The following NCKAP5 variants were observed in gnomAD, a reference collection of about 807,000 sequenced individuals.
NCKAP5 encodes NCK associated protein 5, also known as nck-associated protein 5.
NCKAP5 carries 92 observed loss-of-function variants against 167.0 expected under a neutral mutation model. The observed-to-expected ratio is 0.55, with a 90% CI of 0.47 to 0.66. The LOEUF is 0.66. Among genes scored for constraint, NCKAP5 ranks in the 30% least tolerant of loss-of-function variants. NCKAP5 has a pLI of 0.00. For missense variants in NCKAP5, 2,378 were observed against 2,315.0 expected (o/e 1.03, Z -0.56); for synonymous variants, 891 against 877.4 (o/e 1.02, Z -0.27).
chr2:133,033,238 TG>T lies in NCKAP5; in HGVS notation c.342-39000del, dbSNP rs371110948. ...TGCCTGGTAATACAGAGAATTTTCC[TG>T]GGTCTTAATTAAGACCATCAAGGTG... On this transcript the variant is annotated intron_variant, in intron 6 of 19. Transcript: ENST00000409261. Among the ~76,000 whole-genome samples, 81 of 152,342 alleles carry T rather than the reference TG, an allele frequency of 5.3e-4. 2 individuals carry two copies. In the South Asian group the frequency reaches 0.016, roughly 29 times the overall value.
intron 7 of NCKAP5, among the ~76,000 whole-genome samples, chr2:132,974,240 T>A (rs1247606147): frequency 6.6e-6 from 1 of 152,214 alleles, no homozygotes; most frequent in Non-Finnish European, 1.5e-5. Flanking sequence ...ACAGAACTTG[T>A]TCATTTTGAA....
At chr2:133,102,412 G>C (rs1399529941) in intron 6 of NCKAP5, among the ~76,000 whole-genome samples, 1 of 152,142 alleles carries the variant, frequency 6.6e-6, no homozygotes, top group Non-Finnish European at 1.5e-5. Context: ...CTCCCCAAGT[G>C]CTGGGATTAC....
intron 6 of NCKAP5, among the ~76,000 whole-genome samples, chr2:133,074,896 A>G (rs112831373): frequency 0.015 from 2,256 of 152,272 alleles, 65 homozygotes; most frequent in African/African-American, 0.05. Flanking sequence ...AGAAAATGAA[A>G]AGAAAGAGAT....
At chr2:132,980,677 A>C (rs536986377) in intron 7 of NCKAP5, among the ~76,000 whole-genome samples, 45 of 152,292 alleles carry the variant, frequency 3.0e-4, no homozygotes, top group African/African-American at 1.0e-3. Flanking sequence ...AAATGAGATG[A>C]TGCTGCAAGA....
At position 133,368,268 on chromosome 2, in the gene NCKAP5, T is replaced by C. The variant is rs139856642; in HGVS notation, c.70-65158A>G. On this transcript the variant is annotated intron_variant, in intron 3 of 19. Coordinates refer to ENST00000409261, the MANE Select transcript of NCKAP5 (RefSeq NM_207363.3). ...AAGTGGGAAATGTTGCCAAAAACTA[T>C]TTTTTTCTATTAGATAGATCCCTTA... 4.6e-5 allele frequency among the ~76,000 whole-genome samples: 7 copies of C among 152,288 alleles called. No individual in the cohort carries two copies. In the East Asian group the frequency reaches 1.3e-3, roughly 29 times the overall value.
At chr2:133,611,700 CT>C in the NCKAP5 span, among the ~76,000 whole-genome samples, 12 of 152,142 alleles carry the variant, frequency 7.9e-5, no homozygotes, top group Non-Finnish European at 1.5e-4. Context: ...TAGCCTCTCC[CT>C]GCAGGCTCCC....
Position 133,221,043 on chromosome 2 carries a change from G to A in NCKAP5, c.144-7264C>T, listed in dbSNP as rs368748087. Among the ~76,000 whole-genome samples, 111 of 150,240 alleles carry A rather than the reference G, an allele frequency of 7.4e-4. 1 individual carries two copies. Among genetic ancestry groups the A allele is most frequent in the African/African-American group, 2.5e-3 (100 of 39,616 alleles). On this transcript the variant is annotated intron_variant, in intron 4 of 19. Coordinates refer to ENST00000409261, the MANE Select transcript of NCKAP5 (RefSeq NM_207363.3). Reference sequence around the variant, plus strand: ...GTCACAAATACCCTATATATGCAACGCACTTAAAAGGTATGAATCCAGCTC... The same window carrying A: ...GTCACAAATACCCTATATATGCAACACACTTAAAAGGTATGAATCCAGCTC...
chr2:133,608,712 G>A, the NCKAP5 span, among the ~76,000 whole-genome samples: 3 of 152,232 alleles, frequency 2.0e-5, no homozygotes, highest in East Asian at 5.8e-4. Flanking sequence ...CACAGTTGAC[G>A]ATGGCCACCC....
At chr2:132,910,223 T>C (rs556793492) in intron 8 of NCKAP5, among the ~76,000 whole-genome samples, 1 of 152,318 alleles carries the variant, frequency 6.6e-6, no homozygotes, top group African/African-American at 2.4e-5. Context: ...GGGGTACCCA[T>C]ACCCTCAAGC....
chr2:133,028,265 T>G (rs375767784), intron 6 of NCKAP5, among the ~76,000 whole-genome samples: 105 of 152,330 alleles, frequency 6.9e-4, no homozygotes, highest in Non-Finnish European at 1.2e-3. Flanking sequence ...AGCTGCCCAT[T>G]CAATCAAGCA....
At chr2:132,817,743 T>C (rs1166374691) in intron 11 of NCKAP5, among the ~76,000 whole-genome samples, 2 of 151,682 alleles carry the variant, frequency 1.3e-5, no homozygotes, top group Non-Finnish European at 2.9e-5. Flanking sequence ...AAAGGAGGAG[T>C]AACAAAGCCT....
intron 8 of NCKAP5, among the ~76,000 whole-genome samples, chr2:132,929,695 T>C (rs898850969): frequency 2.0e-5 from 3 of 152,176 alleles, no homozygotes; most frequent in Admixed American, 2.0e-4. Context: ...AGATGTGCTC[T>C]CTATAATACA....
the NCKAP5 span, among the ~76,000 whole-genome samples, chr2:133,619,446 A>G: frequency 6.6e-6 from 1 of 152,034 alleles, no homozygotes; most frequent in Non-Finnish European, 1.5e-5. Context: ...TGCAAAATGC[A>G]CTGGAAAGTC....
At chr2:133,239,537 C>T (rs796471867) in intron 4 of NCKAP5, among the ~76,000 whole-genome samples, 3 of 152,250 alleles carry the variant, frequency 2.0e-5, no homozygotes, top group African/African-American at 7.2e-5. Flanking sequence ...TAGAACTAGA[C>T]TATAGGAAAA....
intron 5 of NCKAP5, among the ~76,000 whole-genome samples, chr2:133,213,492 G>C (rs1025732826): frequency 6.6e-6 from 1 of 152,018 alleles, no homozygotes; most frequent in African/African-American, 2.4e-5. Context: ...TTGGACATGT[G>C]AACATCTTAT....
chr2:133,245,113 C>T (rs746516774), intron 4 of NCKAP5, among the ~76,000 whole-genome samples: 21 of 152,204 alleles, frequency 1.4e-4, no homozygotes, highest in Non-Finnish European at 2.5e-4. Context: ...CTTTGGGGAA[C>T]TGATAGAACA....
intron 11 of NCKAP5, among the ~76,000 whole-genome samples, chr2:132,832,138 G>A (rs1422802172): frequency 1.3e-5 from 2 of 151,942 alleles, no homozygotes; most frequent in Non-Finnish European, 2.9e-5. Context: ...TCCAGTTCTT[G>A]TCAAAATCTG....
chr2:133,251,720 A>C (rs1355395626), intron 4 of NCKAP5, among the ~76,000 whole-genome samples: 2 of 152,226 alleles, frequency 1.3e-5, no homozygotes, highest in Non-Finnish European at 2.9e-5. Flanking sequence ...ACAAAATTAC[A>C]CTTGCATCCC....
intron 2 of NCKAP5, among the ~76,000 whole-genome samples, chr2:133,519,426 T>A (rs1684293189): frequency 6.6e-6 from 1 of 152,194 alleles, no homozygotes; most frequent in Admixed American, 6.5e-5. Context: ...CTGAAATTTG[T>A]TTGGGAGGCT....
Sources: allele counts gnomAD v4.1 joint callset (sites outside exome capture counted in the v4.1 genomes callset), GRCh38; gene constraint gnomAD v4.1.1; transcripts MANE v1.5; gene names NCBI Gene and HGNC (gene_info 2026-07-23, HGNC 2026-07-21).